KLF7: variants seen among roughly 807,000 people sequenced by gnomAD.
KLF7 encodes the protein KLF transcription factor 7.
Under a neutral mutation model 27.3 loss-of-function variants are expected in KLF7, and 2 were observed. The observed-to-expected ratio is 0.07, with a 90% CI of 0.03 to 0.23. The LOEUF (loss-of-function observed/expected upper bound fraction) is 0.23, where lower values mean the gene tolerates loss of function less well. KLF7 is among the 10% of genes least tolerant of loss of function. KLF7 has a pLI of 1.00. For synonymous variants in KLF7, 165 were observed against 162.4 expected, an observed-to-expected ratio of 1.02 and a Z score of -0.12; for missense variants, 221 against 394.1, an observed-to-expected ratio of 0.56 and a Z score of 3.72.
rs896793686 is a variant in KLF7 at position 207,079,851 on chromosome 2, T to C, written c.*1362A>G. The C allele has an allele frequency of 1.3e-5, 2 of 152,174 alleles. No homozygotes were observed. The highest frequency in any genetic ancestry group is 2.9e-5 in the Non-Finnish European group (2 of 68,034). The allele number at this position is 152,174 out of a possible 1,614,324, so 9.4% of individuals were successfully genotyped here. ...AAATGTCAACCCTTCACTCCCACAA[T>C]GGCGTTTTAAATTGTGTATTGTAAC... On this transcript the variant is annotated 3_prime_UTR_variant, in exon 4 of 4. Transcript: ENST00000309446.
upstream of KLF7, chr2:207,166,254 T>C (rs534470195): frequency 7.9e-4 from 703 of 890,838 alleles, no homozygotes; most frequent in Non-Finnish European, 8.8e-4. Context: ...GAGCAGAGCC[T>C]GGGGCGGGGC....
At chr2:207,164,648 G>A (rs2078648461) in intron 1 of KLF7, among the ~76,000 whole-genome samples, 1 of 152,146 alleles carries the variant, frequency 6.6e-6, no homozygotes, top group African/African-American at 2.4e-5. Flanking sequence ...ACTTGGCATC[G>A]GTGCCCTTCA....
intron 1 of KLF7, among the ~76,000 whole-genome samples, chr2:207,158,363 G>A (rs1193119504): frequency 3.3e-5 from 5 of 152,062 alleles, no homozygotes; most frequent in Non-Finnish European, 7.4e-5. Context: ...CAGAGGTTGA[G>A]TTTCTTCACT....
intron 1 of KLF7, among the ~76,000 whole-genome samples, chr2:207,156,317 C>A (rs1311500973): frequency 6.6e-6 from 1 of 152,220 alleles, no homozygotes; most frequent in African/African-American, 2.4e-5. Context: ...GCCGGAATGT[C>A]CTCAGCAGCA....
intron 3 of KLF7, among the ~76,000 whole-genome samples, chr2:207,083,950 C>A (rs1405668848): frequency 6.6e-6 from 1 of 152,264 alleles, no homozygotes; most frequent in Admixed American, 6.5e-5. Context: ...GCCTCCAGAA[C>A]AAAAATGCAG....
At chr2:207,166,047 C>G (rs2078699418), upstream of KLF7, 3 of 509,396 alleles carry the variant, frequency 5.9e-6, no homozygotes, top group South Asian at 1.8e-4. Flanking sequence ...CCCCACCCCC[C>G]ACCCCATCCT....
intron 1 of KLF7, among the ~76,000 whole-genome samples, chr2:207,124,856 A>C (rs60894987): frequency 0.04 from 6,138 of 152,252 alleles, 402 homozygotes; most frequent in African/African-American, 0.14. Flanking sequence ...TCACACAAGT[A>C]AGTCAGTTTT....
intron 2 of KLF7, among the ~76,000 whole-genome samples, chr2:207,105,967 A>G (rs551576960): frequency 1.3e-5 from 2 of 152,232 alleles, no homozygotes; most frequent in Non-Finnish European, 2.9e-5. Flanking sequence ...AGGAAATGTA[A>G]AACAGCTCAT....
rs1269923303 is a variant in KLF7 at position 207,088,629 on chromosome 2, G to A, written c.734-48C>T. The A allele has an allele frequency of 1.9e-5, 30 of 1,595,044 alleles. No homozygotes were observed. The South Asian group carries it at 2.1e-4, about 11-fold the overall frequency. ...CGTGGTCAGCAGCAGGAACAAAAGG[G>A]ATTACACCCAACCAGCCTGTGCTGC... On this transcript the variant is annotated intron_variant, in intron 2 of 3. Coordinates refer to ENST00000309446, the MANE Select transcript of KLF7 (RefSeq NM_003709.4).
chr2:207,125,850 G>C (rs150451844), intron 1 of KLF7, among the ~76,000 whole-genome samples: 2 of 152,256 alleles, frequency 1.3e-5, no homozygotes, highest in African/African-American at 4.8e-5. Flanking sequence ...ATAGCAGTAG[G>C]TCCACATGAT....
chr2:207,079,014 G>C lies in KLF7; in HGVS notation c.*2199C>G, dbSNP rs548627788. 1.3e-5 allele frequency: 2 copies of C among 152,090 alleles called. No individual in the cohort carries two copies. The highest frequency in any genetic ancestry group is 2.9e-5 in the Non-Finnish European group (2 of 68,014). The allele number at this position is 152,090 out of a possible 1,614,324, so 9.4% of individuals were successfully genotyped here. A position where few individuals can be genotyped will look rare whatever the true frequency, so the allele number is the denominator to read the frequency against. On this transcript the variant is annotated 3_prime_UTR_variant, in exon 4 of 4. Coordinates refer to ENST00000309446, the MANE Select transcript of KLF7 (RefSeq NM_003709.4). ...ATGGACAGATTTTGTGTGTGTGTGC[G>C]CGTGTGTGTTAACGGGTGTTCTTTC...
At chr2:207,151,086 C>T (rs538436167) in intron 1 of KLF7, among the ~76,000 whole-genome samples, 79 of 149,392 alleles carry the variant, frequency 5.3e-4, no homozygotes, top group African/African-American at 1.9e-3. Context: ...CTTAGAGAGG[C>T]GTTAAAGACA....
intron 2 of KLF7, among the ~76,000 whole-genome samples, chr2:207,090,745 T>C (rs1009530708): frequency 6.6e-5 from 10 of 152,124 alleles, no homozygotes; most frequent in Non-Finnish European, 1.3e-4. Context: ...GGAGTGTTCT[T>C]TAGGACTGCT....
rs984006464 is a variant in KLF7, at chr2:207,158,660, G to A, written c.102+6807C>T. ...AGTTATAATCTGGGGCTATTTTTTC[G>A]GTACAGTGTATATTTTCCAATTTAG... On this transcript the variant is annotated intron_variant, in intron 1 of 3. Transcript: ENST00000309446. Among the ~76,000 whole-genome samples, 4 of 151,840 alleles carry A rather than the reference G, an allele frequency of 2.6e-5. No individual in the cohort carries two copies. In the East Asian group the frequency reaches 5.8e-4, roughly 22 times the overall value.
intron 1 of KLF7, among the ~76,000 whole-genome samples, chr2:207,133,801 T>C (rs1026280669): frequency 3.9e-5 from 6 of 152,106 alleles, no homozygotes; most frequent in African/African-American, 1.4e-4. Flanking sequence ...TCTTCCAAAA[T>C]GCAACAACAA....
chr2:207,172,065 A>T (rs573637376), upstream of KLF7, among the ~76,000 whole-genome samples: 1 of 152,326 alleles, frequency 6.6e-6, no homozygotes, highest in Admixed American at 6.5e-5. Context: ...ATTTTGAGCC[A>T]AAGGAGATTG....
chr2:207,124,932 C>T (rs1311012727), intron 1 of KLF7, among the ~76,000 whole-genome samples: 1 of 152,074 alleles, frequency 6.6e-6, no homozygotes, highest in Non-Finnish European at 1.5e-5. Flanking sequence ...AACAATCAAA[C>T]AACAGCAAGC....
At chr2:207,140,302 G>T (rs1395688445) in intron 1 of KLF7, among the ~76,000 whole-genome samples, 2 of 152,096 alleles carry the variant, frequency 1.3e-5, no homozygotes, top group African/African-American at 4.8e-5. Context: ...AATTTTTAAA[G>T]GGGGGATTTG....
At position 207,075,690 on chromosome 2, in the gene KLF7, T is replaced by C. The variant is rs576426238; in HGVS notation, c.*5523A>G. 6.6e-6 allele frequency: 1 copy of C among 152,110 alleles called. No individual in the cohort carries two copies. The allele number at this position is 152,110 out of a possible 1,614,324, so 9.4% of individuals were successfully genotyped here. A position where few individuals can be genotyped will look rare whatever the true frequency, so the allele number is the denominator to read the frequency against. ...GCTTGACGCGGGGGCGGGTGGGGGC[T>C]TGTGGAAAGGAAGGGGAGGCTTCAA... is the stretch of plus-strand genomic sequence containing the variant. On this transcript the variant is annotated 3_prime_UTR_variant, in exon 4 of 4. Transcript: ENST00000309446.
Sources: allele counts gnomAD v4.1 joint callset (sites outside exome capture counted in the v4.1 genomes callset), GRCh38; gene constraint gnomAD v4.1.1; transcripts MANE v1.5; gene names NCBI Gene and HGNC (gene_info 2026-07-23, HGNC 2026-07-21).